COL28A1: variants seen among roughly 807,000 people sequenced by gnomAD.
COL28A1 encodes the protein collagen type XXVIII alpha 1 chain.
A neutral mutation model predicts 150.2 loss-of-function variants in COL28A1; 161 were observed. That is an observed-to-expected ratio of 1.07 (90% CI 0.94 to 1.22). COL28A1 has a LOEUF of 1.22. COL28A1 is among the 50% of genes most tolerant of loss of function. The pLI, the probability that COL28A1 is intolerant of heterozygous loss-of-function variation, is 0.00. For synonymous variants in COL28A1, 552 were observed against 469.7 expected (o/e 1.18, Z -2.26); for missense variants, 1,617 against 1,388.3 (o/e 1.16, Z -2.62).
the COL28A1 span, among the ~76,000 whole-genome samples, chr7:7,349,501 T>C: frequency 6.6e-6 from 1 of 152,158 alleles, no homozygotes; most frequent in African/African-American, 2.4e-5. Context: ...GTTTTCTTTC[T>C]GTGAAATTCC....
the COL28A1 span, among the ~76,000 whole-genome samples, chr7:7,346,067 A>G: frequency 9.2e-5 from 14 of 152,114 alleles, no homozygotes; most frequent in South Asian, 2.5e-3. Flanking sequence ...CCTTTTTTAT[A>G]TTCAGAAGCT....
intron 27 of COL28A1, among the ~76,000 whole-genome samples, chr7:7,402,453 T>C (rs891235264): frequency 5.3e-5 from 8 of 152,228 alleles, no homozygotes; most frequent in Non-Finnish European, 1.0e-4. Flanking sequence ...ATACAATTCA[T>C]TGTTCAATTA....
intron 27 of COL28A1, among the ~76,000 whole-genome samples, chr7:7,415,562 C>T (rs764494669): frequency 2.6e-5 from 4 of 152,120 alleles, no homozygotes; most frequent in Non-Finnish European, 4.4e-5. Flanking sequence ...GAGACAGAGT[C>T]TAACTCTGTT....
the COL28A1 span, among the ~76,000 whole-genome samples, chr7:7,341,002 A>G: frequency 6.6e-6 from 1 of 152,108 alleles, no homozygotes; most frequent in African/African-American, 2.4e-5. Flanking sequence ...TTTCTACCAC[A>G]TTCTGTACTT....
In COL28A1 at chr7:7,503,513, C is replaced by A. The variant is rs79780232; in HGVS notation, c.1026+2501G>T. Among the ~76,000 whole-genome samples the A allele has an allele frequency of 8.7e-3, 1,323 of 152,108 alleles. 20 individuals carry two copies. Among genetic ancestry groups the A allele is most frequent in the African/African-American group, 0.03 (1,233 of 41,454 alleles). On this transcript the variant is annotated intron_variant, in intron 11 of 34. Transcript: ENST00000399429. Reference sequence around the variant, plus strand: ...CAAAAGCAGCTTCTTTTAAAATTGTCTAATAAAATGATAATGGATAAAAAT... The same window carrying A: ...CAAAAGCAGCTTCTTTTAAAATTGTATAATAAAATGATAATGGATAAAAAT...
intron 11 of COL28A1, among the ~76,000 whole-genome samples, chr7:7,498,650 A>G (rs1463608775): frequency 6.6e-6 from 1 of 152,206 alleles, no homozygotes; most frequent in Non-Finnish European, 1.5e-5. Context: ...CACAATAAAA[A>G]CACCCTTGGA....
chr7:7,440,811 A>T lies in COL28A1; in HGVS notation c.1701T>A (p.Leu567=). ...ATACCTTTGGTCCTTCGGGCCCTGG[A>T]AGTCCCCTCTGTCCTTGATTTCCTT... is the stretch of plus-strand genomic sequence containing the variant. The part of the protein sequence containing the change: ...GSKGNQGQRG[L]PGPEGPKGEP... The change falls in exon 21 of 35, where the codon CTT becomes CTA. Residue 567 remains leucine (L), a synonymous_variant. Coordinates refer to ENST00000399429, the MANE Select transcript of COL28A1 (RefSeq NM_001037763.3). The T allele has an allele frequency of 6.6e-7, 1 of 1,521,946 alleles. No homozygotes were observed. Among genetic ancestry groups the T allele is most frequent in the South Asian group, 1.1e-5 (1 of 88,418 alleles). 94.3% of individuals were successfully genotyped at this position (1,521,946 alleles called of 1,614,324 possible).
intron 13 of COL28A1, among the ~76,000 whole-genome samples, chr7:7,482,351 C>G (rs987889778): frequency 1.3e-5 from 2 of 151,960 alleles, no homozygotes; most frequent in Non-Finnish European, 2.9e-5. Flanking sequence ...ATGGTGAAAA[C>G]CCATCTCTAT....
Position 7,533,478 on chromosome 7 carries a change from T to G in COL28A1, c.-37-566A>C, listed in dbSNP as rs556771798. Among the ~76,000 whole-genome samples, 13 of 152,282 alleles carry G rather than the reference T, an allele frequency of 8.5e-5. No homozygotes were observed. In the East Asian group the frequency reaches 2.5e-3, roughly 29 times the overall value. On this transcript the variant is annotated intron_variant, in intron 1 of 34. Transcript: ENST00000399429. ...TCCATAGAACCCCATCTCTCTTTTC[T>G]ACCCTAGCTTTGGAAACTTTGTCTC...
chr7:7,472,879 G>A (rs1318975332), intron 15 of COL28A1, among the ~76,000 whole-genome samples: 1 of 152,092 alleles, frequency 6.6e-6, no homozygotes, highest in Non-Finnish European at 1.5e-5. Flanking sequence ...CATACTTACA[G>A]CCAACTGATC....
chr7:7,355,990 C>T (rs551985804), downstream of COL28A1, among the ~76,000 whole-genome samples: 352 of 151,950 alleles, frequency 2.3e-3, 2 homozygotes, highest in African/African-American at 7.9e-3. Flanking sequence ...AATATACAAC[C>T]GTGGAAGTAA....
rs1781377717 is a variant in COL28A1, at chr7:7,515,698, G to A, written c.882+116C>T. On this transcript the variant is annotated intron_variant, in intron 8 of 34. Coordinates refer to ENST00000399429, the MANE Select transcript of COL28A1 (RefSeq NM_001037763.3). ...TTATTTTATGTTAACTCAGGAATGA[G>A]GGAATCCAGACTTACAAAAATAAAG... 16 of 724,510 alleles carry A rather than the reference G, an allele frequency of 2.2e-5. No homozygotes were observed. In the South Asian group the frequency reaches 2.3e-4, roughly 11 times the overall value. The allele number at this position is 724,510 out of a possible 1,614,324, so 44.9% of individuals were successfully genotyped here.
chr7:7,454,330 A>C (rs1786960886), intron 16 of COL28A1, among the ~76,000 whole-genome samples: 1 of 152,220 alleles, frequency 6.6e-6, no homozygotes, highest in African/African-American at 2.4e-5. Context: ...CATCAAATTA[A>C]AGAACATTGA....
intron 3 of COL28A1, among the ~76,000 whole-genome samples, chr7:7,525,668 T>C (rs1176161776): frequency 6.6e-6 from 1 of 152,208 alleles, no homozygotes; most frequent in Non-Finnish European, 1.5e-5. Flanking sequence ...TTAGTTTTAT[T>C]TTTACTTTAT....
chr7:7,520,363 C>T (rs146808719), intron 5 of COL28A1, among the ~76,000 whole-genome samples: 181 of 152,260 alleles, frequency 1.2e-3, no homozygotes, highest in African/African-American at 4.2e-3. Flanking sequence ...TACTTCTTCC[C>T]AAAACAATCA....
chr7:7,381,665 C>T, intron 27 of COL28A1, 53 bp from the exon 28 acceptor site: 1 of 1,426,554 alleles, frequency 7.0e-7, no homozygotes, highest in Non-Finnish European at 9.9e-7. Flanking sequence ...GATAGCTTGG[C>T]TATTCTTTGG....
intron 14 of COL28A1, among the ~76,000 whole-genome samples, chr7:7,476,208 G>T (rs1425122882): frequency 2.0e-5 from 3 of 152,140 alleles, no homozygotes; most frequent in Non-Finnish European, 2.9e-5. Context: ...ATGCATGTGT[G>T]TGTTTTTTGG....
intron 14 of COL28A1, 50 bp from the exon 15 acceptor site, chr7:7,474,719 TAA>T (rs1253152452): frequency 7.0e-6 from 6 of 858,624 alleles, no homozygotes; most frequent in South Asian, 4.1e-5. Context: ...ATCTGAATTT[TAA>T]AAGAGTTTAC....
intron 15 of COL28A1, among the ~76,000 whole-genome samples, chr7:7,461,938 C>T (rs1787666365): frequency 6.6e-6 from 1 of 152,146 alleles, no homozygotes; most frequent in South Asian, 2.1e-4. Context: ...CCAACCGGCA[C>T]AAAAATACTG....
Sources: allele counts gnomAD v4.1 joint callset (sites outside exome capture counted in the v4.1 genomes callset), GRCh38; gene constraint gnomAD v4.1.1; transcripts MANE v1.5; gene names NCBI Gene and HGNC (gene_info 2026-07-23, HGNC 2026-07-21).